MTA3: variants seen among roughly 807,000 people sequenced by gnomAD.
The protein encoded by MTA3 is metastasis associated 1 family member 3.
MTA3 carries 34 observed loss-of-function variants against 83.5 expected under a neutral mutation model. The ratio of observed to expected loss-of-function variants is 0.41; its 90% confidence interval spans 0.31 to 0.54. MTA3 has a LOEUF of 0.54. Among genes scored for constraint, MTA3 ranks in the 20% least tolerant of loss-of-function variants. The probability of loss-of-function intolerance (pLI) is 0.33; values close to 1 mark genes in which losing one functional copy is unlikely to be tolerated. For missense variants in MTA3, 761 were observed against 726.4 expected, an observed-to-expected ratio of 1.05 and a Z score of -0.55; for synonymous variants, 303 against 252.7, an observed-to-expected ratio of 1.20 and a Z score of -1.89.
At chr2:42,593,702 T>C (rs982776146) in intron 3 of MTA3, among the ~76,000 whole-genome samples, 24 of 90,578 alleles carry the variant, frequency 2.6e-4, no homozygotes, top group African/African-American at 1.1e-3. Context: ...TTTATTGATA[T>C]GGAGTCTTTA....
chr2:42,494,724 G>GA lies in MTA3; in HGVS notation c.-514dup, dbSNP rs3839064. On this transcript the variant is annotated 5_prime_UTR_variant, in exon 1 of 18. Coordinates refer to the MTA3 transcript ENST00000405592. ...CCTTAGAGTGGGATGAAAGTCTGGGGAGGAACGCCTTGTCACCGGCAAAAA... is the reference window on the plus strand; with the variant it reads ...CCTTAGAGTGGGATGAAAGTCTGGGGAAGGAACGCCTTGTCACCGGCAAAAA... 5 of 152,594 alleles carry GA rather than the reference G, an allele frequency of 3.3e-5. No homozygotes were observed. In the East Asian group the frequency reaches 9.6e-4, roughly 29 times the overall value. 9.5% of individuals were successfully genotyped at this position (152,594 alleles called of 1,614,324 possible).
intron 9 of MTA3, among the ~76,000 whole-genome samples, chr2:42,683,444 A>G (rs1397632965): frequency 6.6e-6 from 1 of 152,194 alleles, no homozygotes; most frequent in Non-Finnish European, 1.5e-5. Flanking sequence ...GTTTTGTGGA[A>G]GACAGTTTTT....
intron 4 of MTA3, among the ~76,000 whole-genome samples, chr2:42,622,958 T>C (rs1685725185): frequency 6.6e-6 from 1 of 152,134 alleles, no homozygotes; most frequent in African/African-American, 2.4e-5. Context: ...AATTGAAAAA[T>C]AAACCAATGA....
At chr2:42,622,299 A>G (rs1252320719) in intron 4 of MTA3, among the ~76,000 whole-genome samples, 4 of 151,950 alleles carry the variant, frequency 2.6e-5, no homozygotes, top group Admixed American at 6.6e-5. Flanking sequence ...GCAGGCACTC[A>G]GCAGGCTGAG....
intron 2 of MTA3, among the ~76,000 whole-genome samples, chr2:42,546,954 G>C (rs1265524235): frequency 6.6e-6 from 1 of 152,186 alleles, no homozygotes; most frequent in Non-Finnish European, 1.5e-5. Flanking sequence ...GCTTTACAGA[G>C]GTGGTAAGAA....
At position 42,718,997 on chromosome 2, in the gene MTA3, G is replaced by A. The variant is rs144668869; in HGVS notation, c.1535G>A (p.Arg512Lys). The change falls in exon 15 of 17, where the codon AGA becomes AAA. Residue 512 changes from arginine to lysine, a missense_variant. Transcript: ENST00000405094. ...TTCTTTCTCTCCTCAGATGCAGACA[G>A]ACATGCTGAACTATCTGGAAGTCCA... is the stretch of plus-strand genomic sequence containing the variant. The part of the protein sequence containing the change: ...YAAIRAEYAD[R>K]HAELSGSPLK... 1.9e-4 allele frequency: 295 copies of A among 1,550,116 alleles called. No individual in the cohort carries two copies. The African/African-American group carries it at 3.6e-3, about 19-fold the overall frequency.
intron 4 of MTA3, among the ~76,000 whole-genome samples, chr2:42,629,091 A>T (rs112313634): frequency 0.013 from 2,043 of 151,992 alleles, 53 homozygotes; most frequent in African/African-American, 0.047. Flanking sequence ...ATATATATAT[A>T]TTTTTTGAGA....
At chr2:42,653,280 A>C (rs914075330) in intron 6 of MTA3, among the ~76,000 whole-genome samples, 4 of 152,136 alleles carry the variant, frequency 2.6e-5, no homozygotes, top group Non-Finnish European at 5.9e-5. Flanking sequence ...AATTGCCCAG[A>C]TTATCATACG....
intron 9 of MTA3, among the ~76,000 whole-genome samples, chr2:42,691,291 T>C (rs1158676017): frequency 3.3e-5 from 5 of 152,194 alleles, no homozygotes; most frequent in Non-Finnish European, 7.3e-5. Flanking sequence ...ATTACAGGCG[T>C]GAGCCACCAC....
intron 2 of MTA3, among the ~76,000 whole-genome samples, chr2:42,500,244 C>G (rs1674334850): frequency 6.6e-6 from 1 of 152,080 alleles, no homozygotes. Flanking sequence ...ACTCAAAATA[C>G]AAAAATTAGC....
intron 4 of MTA3, among the ~76,000 whole-genome samples, chr2:42,634,458 G>A (rs12712855): frequency 0.73 from 111,020 of 151,698 alleles, 40,765 homozygotes; most frequent in South Asian, 0.88. Flanking sequence ...GGCAGCAGGC[G>A]AGAGAAGGAG....
chr2:42,564,921 C>T (rs1558438534), upstream of MTA3, among the ~76,000 whole-genome samples: 1 of 152,064 alleles, frequency 6.6e-6, no homozygotes, highest in Non-Finnish European at 1.5e-5. Flanking sequence ...GGACTACAGG[C>T]GCTTGCCACC....
chr2:42,700,402 T>G (rs1232442373), intron 11 of MTA3, among the ~76,000 whole-genome samples: 1 of 152,218 alleles, frequency 6.6e-6, no homozygotes, highest in Admixed American at 6.5e-5. Flanking sequence ...ATATTTTATG[T>G]GATTCACATG....
intron 5 of MTA3, among the ~76,000 whole-genome samples, chr2:42,643,181 C>G (rs1185531955): frequency 5.3e-5 from 8 of 151,840 alleles, no homozygotes. Context: ...TATGTAAGAA[C>G]TCCCATAGGA....
chr2:42,540,374 A>G (rs908518517), intron 2 of MTA3, among the ~76,000 whole-genome samples: 3 of 151,410 alleles, frequency 2.0e-5, no homozygotes, highest in Admixed American at 6.6e-5. Context: ...GGGGTCTTCT[A>G]TGTTGCCCAA....
intron 8 of MTA3, 72 bp from the exon 9 acceptor site, chr2:42,682,329 T>G (rs1379404855): frequency 9.2e-7 from 1 of 1,086,300 alleles, no homozygotes; most frequent in Non-Finnish European, 1.3e-6. Flanking sequence ...TATATTTTAG[T>G]GTTTATATTC....
At chr2:42,722,110 G>C (rs1003893528) in intron 15 of MTA3, among the ~76,000 whole-genome samples, 5 of 152,122 alleles carry the variant, frequency 3.3e-5, no homozygotes, top group African/African-American at 9.7e-5. Context: ...ATGACTCTGA[G>C]AATCAGTGAG....
chr2:42,579,292 T>C (rs1679362519), intron 3 of MTA3, 92 bp downstream of exon 3: 12 of 894,680 alleles, frequency 1.3e-5, no homozygotes, highest in Non-Finnish European at 1.9e-5. Flanking sequence ...TGAAGTCTTT[T>C]GCTTGTCCAT....
rs1231506577 is a variant in MTA3, at chr2:42,568,728, G to A, written c.-18G>A. 3.3e-6 allele frequency: 4 copies of A among 1,206,528 alleles called. No individual in the cohort carries two copies. In the Admixed American group the frequency reaches 1.8e-4, roughly 53 times the overall value. 74.7% of individuals were successfully genotyped at this position (1,206,528 alleles called of 1,614,324 possible). ...GCGGGCGGGGCTCGGCTCGGGCTCC[G>A]CGGGCGGGCGGGCGGACATGGCGGC... On this transcript the variant is annotated 5_prime_UTR_variant, in exon 1 of 17. Coordinates refer to ENST00000405094, the MANE Select transcript of MTA3 (RefSeq NM_001330442.2).
Sources: gnomAD v4.1 joint callset for allele counts (sites outside exome capture counted in the v4.1 genomes callset) on GRCh38, gnomAD v4.1.1 for gene constraint, MANE v1.5 for transcripts, NCBI Gene and HGNC (gene_info 2026-07-23, HGNC 2026-07-21) for gene names.